Variants in AGMO observed in about 807,000 individuals in gnomAD.
AGMO encodes glyceryl-ether monooxygenase.
A neutral mutation model predicts 60.2 loss-of-function variants in AGMO; 75 were observed. That is an observed-to-expected ratio of 1.25 (90% CI 1.03 to 1.51). The LOEUF (loss-of-function observed/expected upper bound fraction) is 1.51. Ranked by LOEUF, AGMO falls within the 40% of genes most tolerant of loss-of-function variation. The pLI, the probability that AGMO is intolerant of heterozygous loss-of-function variation, is 0.00. For synonymous variants in AGMO, 261 were observed against 177.1 expected, an observed-to-expected ratio of 1.47 and a Z score of -3.76; for missense variants, 763 against 525.5, an observed-to-expected ratio of 1.45 and a Z score of -4.42.
At chr7:15,121,812 G>A in the AGMO span, among the ~76,000 whole-genome samples, 1 of 152,052 alleles carries the variant, frequency 6.6e-6, no homozygotes. Context: ...AAGCAACGGG[G>A]AAAGGATTCC....
At chr7:15,476,845 A>AT (rs1782604760) in intron 3 of AGMO, among the ~76,000 whole-genome samples, 1 of 152,100 alleles carries the variant, frequency 6.6e-6, no homozygotes, top group Non-Finnish European at 1.5e-5. Context: ...TCTGAGGCTA[A>AT]TTTTATTATT....
intron 12 of AGMO, among the ~76,000 whole-genome samples, chr7:15,363,611 T>C (rs1782848936): frequency 6.6e-6 from 1 of 152,102 alleles, no homozygotes; most frequent in Non-Finnish European, 1.5e-5. Flanking sequence ...TTTTATCTAT[T>C]AACTAAATAA....
chr7:15,216,396 TG>T (rs1781738914), intron 12 of AGMO, among the ~76,000 whole-genome samples: 1 of 152,118 alleles, frequency 6.6e-6, no homozygotes, highest in African/African-American at 2.4e-5. Context: ...CCTTTTTCTA[TG>T]TTTTTTTTGT....
At chr7:15,218,932 A>C (rs1368786282) in intron 12 of AGMO, among the ~76,000 whole-genome samples, 3 of 152,196 alleles carry the variant, frequency 2.0e-5, no homozygotes, top group African/African-American at 7.2e-5. Flanking sequence ...GGTGAATCTT[A>C]TTCAATGACT....
At chr7:15,228,229 A>T (rs1465959637) in intron 12 of AGMO, among the ~76,000 whole-genome samples, 1 of 152,012 alleles carries the variant, frequency 6.6e-6, no homozygotes, top group Admixed American at 6.6e-5. Flanking sequence ...GCAAGTGATT[A>T]AAAAAAATCC....
Position 15,544,922 on chromosome 7 carries a change from G to C in AGMO, c.259C>G (p.Leu87Val), listed in dbSNP as rs1395037249. The C allele has an allele frequency of 2.6e-6, 4 of 1,514,166 alleles. No individual in the cohort carries two copies. The highest frequency in any genetic ancestry group is 3.5e-6 in the Non-Finnish European group (4 of 1,128,022). The allele number at this position is 1,514,166 out of a possible 1,614,324, so 93.8% of individuals were successfully genotyped here. ...GTCAGTTCAATGCTCCTGAAAAATA[G>C]ACTGGAAGATAAAATTCACAATCAG... ...SAGVLSRLPS[L>V]FFRSIELTSY... Residue 87 changes from leucine (L) to valine (V), a missense_variant and splice_region_variant, in exon 3 of 13, where the codon CTA becomes GTA. Coordinates refer to ENST00000342526, the MANE Select transcript of AGMO (RefSeq NM_001004320.2).
At chr7:15,144,889 G>A in the AGMO span, among the ~76,000 whole-genome samples, 1 of 152,218 alleles carries the variant, frequency 6.6e-6, no homozygotes, top group Non-Finnish European at 1.5e-5. Flanking sequence ...GAGTGCAGTG[G>A]TGCGATCTCT....
At chr7:15,151,298 T>C in the AGMO span, among the ~76,000 whole-genome samples, 2 of 152,162 alleles carry the variant, frequency 1.3e-5, no homozygotes, top group Admixed American at 6.5e-5. Flanking sequence ...TGATCTTTTG[T>C]ATGGATTTTT....
chr7:15,389,270 T>G (rs1389806501), intron 8 of AGMO, among the ~76,000 whole-genome samples: 1 of 150,994 alleles, frequency 6.6e-6, no homozygotes, highest in Non-Finnish European at 1.5e-5. Flanking sequence ...ACATTAAGTT[T>G]GCAAAGCTCT....
At chr7:15,558,857 GC>G (rs1785225313) in intron 2 of AGMO, among the ~76,000 whole-genome samples, 1 of 151,848 alleles carries the variant, frequency 6.6e-6, no homozygotes, top group South Asian at 2.1e-4. Context: ...ATCCACCTTA[GC>G]TTCCCACTGG....
intron 3 of AGMO, among the ~76,000 whole-genome samples, chr7:15,510,481 A>T (rs943967466): frequency 1.6e-4 from 24 of 151,832 alleles, no homozygotes; most frequent in Non-Finnish European, 2.1e-4. Context: ...CCTGGCCCTA[A>T]GCATCTGTTT....
intron 12 of AGMO, among the ~76,000 whole-genome samples, chr7:15,294,533 T>C (rs1784359412): frequency 6.6e-6 from 1 of 151,832 alleles, no homozygotes; most frequent in African/African-American, 2.4e-5. Flanking sequence ...TAGGAAAAAC[T>C]TGAAAAAAAT....
chr7:15,412,775 C>A (rs895077750), intron 5 of AGMO, among the ~76,000 whole-genome samples: 1 of 150,838 alleles, frequency 6.6e-6, no homozygotes, highest in African/African-American at 2.4e-5. Context: ...AAAGGCGGTG[C>A]CAAAAATCCC....
chr7:15,497,399 T>A (rs1167871004), intron 3 of AGMO, among the ~76,000 whole-genome samples: 1 of 152,108 alleles, frequency 6.6e-6, no homozygotes, highest in African/African-American at 2.4e-5. Context: ...TCACAGGAAT[T>A]TTTTTAACAT....
intron 12 of AGMO, among the ~76,000 whole-genome samples, chr7:15,284,390 T>C (rs1284770150): frequency 7.9e-5 from 12 of 151,880 alleles, no homozygotes. Context: ...AATGAAGACA[T>C]TACAACTGAC....
chr7:15,322,678 G>GTATATATAAA (rs1781196081), intron 12 of AGMO, among the ~76,000 whole-genome samples: 1 of 42,310 alleles, frequency 2.4e-5, no homozygotes, highest in African/African-American at 1.5e-4. Context: ...ATAAATATAT[G>GTATATATAAA]TATATATAAA....
intron 3 of AGMO, among the ~76,000 whole-genome samples, chr7:15,510,650 C>T (rs982351903): frequency 1.3e-5 from 2 of 149,596 alleles, no homozygotes; most frequent in African/African-American, 4.9e-5. Flanking sequence ...CGTAGATGAA[C>T]CTGGAGGATA....
intron 12 of AGMO, among the ~76,000 whole-genome samples, chr7:15,293,705 C>A (rs1364043361): frequency 1.3e-5 from 2 of 152,076 alleles, no homozygotes; most frequent in East Asian, 3.9e-4. Context: ...TAAACTACGC[C>A]TAATTCTTTG....
At chr7:15,325,490 C>G (rs1781310326) in intron 12 of AGMO, among the ~76,000 whole-genome samples, 1 of 152,040 alleles carries the variant, frequency 6.6e-6, no homozygotes, top group Non-Finnish European at 1.5e-5. Context: ...AAACTTCTCT[C>G]ACAAAATTTA....
Sources: gnomAD v4.1 joint callset for allele counts (sites outside exome capture counted in the v4.1 genomes callset) on GRCh38, gnomAD v4.1.1 for gene constraint, MANE v1.5 for transcripts, NCBI Gene and HGNC (gene_info 2026-07-23, HGNC 2026-07-21) for gene names.